Variants in ANKRD55 observed in about 807,000 individuals in gnomAD.
The protein encoded by ANKRD55 is ankyrin repeat domain 55.
In ANKRD55, 41 loss-of-function variants were observed where a neutral mutation model predicts 60.6. That is an observed-to-expected ratio of 0.68 (90% CI 0.53 to 0.88). The LOEUF (loss-of-function observed/expected upper bound fraction) is 0.88, where lower values mean the gene tolerates loss of function less well. ANKRD55 is among the 40% of genes least tolerant of loss of function. The pLI, the probability that ANKRD55 is intolerant of heterozygous loss-of-function variation, is 0.00. For synonymous variants in ANKRD55, 264 were observed against 290.3 expected, an observed-to-expected ratio of 0.91 and a Z score of 0.92; for missense variants, 732 against 767.6, an observed-to-expected ratio of 0.95 and a Z score of 0.55.
intron 7 of ANKRD55, among the ~76,000 whole-genome samples, chr5:56,130,580 G>A (rs1027477498): frequency 3.9e-5 from 6 of 152,124 alleles, no homozygotes; most frequent in Admixed American, 2.0e-4. Flanking sequence ...CATCATGTCT[G>A]GCTATCGAGA....
intron 11 of ANKRD55, among the ~76,000 whole-genome samples, chr5:56,100,578 T>C (rs1180198754): frequency 6.6e-6 from 1 of 152,210 alleles, no homozygotes; most frequent in Non-Finnish European, 1.5e-5. Flanking sequence ...GCAGAGCTCT[T>C]CCTTGGAGTG....
chr5:56,153,017 GAA>G (rs768308917), intron 6 of ANKRD55, among the ~76,000 whole-genome samples: 1 of 152,042 alleles, frequency 6.6e-6, no homozygotes, highest in South Asian at 2.1e-4. Flanking sequence ...AACAGCCTAC[GAA>G]AAAGTATTTA....
At chr5:56,231,659 A>G (rs1347820300) in intron 2 of ANKRD55, among the ~76,000 whole-genome samples, 349 of 3,592 alleles carry the variant, frequency 0.097, 1 homozygote, top group South Asian at 0.13. Context: ...GCGCGCACAC[A>G]CACACACACA....
chr5:56,173,570 CTCTCTCTCTCTCTATATA>C lies in ANKRD55; in HGVS notation c.312+2564_312+2581del, dbSNP rs1161332263. Among the ~76,000 whole-genome samples, 733 of 110,930 alleles carry C rather than the reference CTCTCTCTCTCTCTATATA, an allele frequency of 6.6e-3. 4 individuals carry two copies. The highest frequency in any genetic ancestry group is 9.1e-3 in the Admixed American group (98 of 10,736). The allele number at this position is 110,930 out of a possible 152,430, so 72.8% of individuals were successfully genotyped here. A position where few individuals can be genotyped will look rare whatever the true frequency, so the allele number is the denominator to read the frequency against. The stretch of plus-strand genomic sequence containing the variant: ...TCTCTCTCTCTCTCTCTCTCTCTCT[CTCTCTCTCTCTCTATATA>C]TATATATATATATATATATCTTGGC... On this transcript the variant is annotated intron_variant, in intron 4 of 11. Transcript: ENST00000341048.
intron 2 of ANKRD55, among the ~76,000 whole-genome samples, chr5:56,184,814 C>T (rs529572793): frequency 3.9e-5 from 6 of 151,938 alleles, no homozygotes; most frequent in Non-Finnish European, 5.9e-5. Flanking sequence ...AGGAGGATTG[C>T]TTGAGCCCCA....
intron 8 of ANKRD55, among the ~76,000 whole-genome samples, chr5:56,119,667 C>T (rs1756980644): frequency 1.3e-5 from 2 of 152,108 alleles, no homozygotes; most frequent in Non-Finnish European, 2.9e-5. Flanking sequence ...GAAATCCCAG[C>T]ACTTCGGGAG....
At chr5:56,201,597 G>A (rs1026880390) in intron 2 of ANKRD55, among the ~76,000 whole-genome samples, 3 of 152,154 alleles carry the variant, frequency 2.0e-5, no homozygotes, top group Admixed American at 6.6e-5. Context: ...CTCTATGTCC[G>A]TTCTTCACTT....
chr5:56,188,198 G>A (rs753028104), intron 2 of ANKRD55, among the ~76,000 whole-genome samples: 3 of 152,052 alleles, frequency 2.0e-5, no homozygotes, highest in Non-Finnish European at 4.4e-5. Context: ...TAGAGCCCAC[G>A]AAAAGCAATG....
intron 2 of ANKRD55, among the ~76,000 whole-genome samples, chr5:56,217,933 A>G (rs1024928550): frequency 4.6e-5 from 7 of 152,200 alleles, no homozygotes; most frequent in Non-Finnish European, 1.0e-4. Flanking sequence ...CGGGTTTGGA[A>G]GAAGTTAATT....
intron 2 of ANKRD55, among the ~76,000 whole-genome samples, chr5:56,186,012 G>A (rs755368992): frequency 6.6e-6 from 1 of 152,212 alleles, no homozygotes; most frequent in Non-Finnish European, 1.5e-5. Flanking sequence ...TTTGCCTGGG[G>A]GCCAGAAGTG....
chr5:56,149,355 A>C (rs1561270504), intron 6 of ANKRD55, among the ~76,000 whole-genome samples: 1 of 152,186 alleles, frequency 6.6e-6, no homozygotes, highest in African/African-American at 2.4e-5. Flanking sequence ...AATAATTATA[A>C]GAATAATATG....
At chr5:56,104,204 G>A (rs1756379825) in intron 10 of ANKRD55, among the ~76,000 whole-genome samples, 1 of 152,068 alleles carries the variant, frequency 6.6e-6, no homozygotes, top group Admixed American at 6.5e-5. Flanking sequence ...AAATGCTGTA[G>A]GCATAATCTT....
At chr5:56,159,557 T>C (rs1363213763) in intron 6 of ANKRD55, among the ~76,000 whole-genome samples, 1 of 152,154 alleles carries the variant, frequency 6.6e-6, no homozygotes, top group Non-Finnish European at 1.5e-5. Flanking sequence ...TTTCTCAATG[T>C]CCAGAGGGAA....
intron 7 of ANKRD55, among the ~76,000 whole-genome samples, chr5:56,131,321 C>A (rs906606840): frequency 6.6e-6 from 1 of 152,112 alleles, no homozygotes; most frequent in Non-Finnish European, 1.5e-5. Context: ...TTCTCAGAAA[C>A]CATACAAGCA....
rs1021223951 is a variant in ANKRD55 at position 56,126,990 on chromosome 5, G to A, written c.729C>T (p.Phe243=). The A allele has an allele frequency of 1.9e-6, 3 of 1,613,548 alleles. No homozygotes were observed. The highest frequency in any genetic ancestry group is 1.7e-4 in the Middle Eastern group (1 of 6,060). ...TTGCCAGCTCATGAATAATATCGCT[G>A]AAGCCCGCTGCCGCTGCGATATGTA... ...TCVHIAAAAG[F]SDIIHELARV... The change falls in exon 8 of 12, where the codon TTC becomes TTT. Residue 243 remains phenylalanine (F), a synonymous_variant. Coordinates refer to ENST00000341048, the MANE Select transcript of ANKRD55 (RefSeq NM_024669.3).
At chr5:56,119,470 G>A (rs1756976439) in intron 8 of ANKRD55, among the ~76,000 whole-genome samples, 1 of 152,224 alleles carries the variant, frequency 6.6e-6, no homozygotes, top group South Asian at 2.1e-4. Flanking sequence ...ATGAGTTGAT[G>A]TTGGAGTTGA....
intron 5 of ANKRD55, 123 bp downstream of exon 5, chr5:56,170,571 A>T: frequency 5.2e-6 from 1 of 193,984 alleles, no homozygotes; most frequent in Non-Finnish European, 8.5e-6. Context: ...CTGCAACTTC[A>T]AAAAAAAAAA....
rs1554036934 is a variant in ANKRD55 at position 56,116,614 on chromosome 5, C to A, written c.965+1G>T. 3.2e-6 allele frequency: 5 copies of A among 1,569,790 alleles called. No homozygotes were observed. Among genetic ancestry groups the A allele is most frequent in the Non-Finnish European group, 4.3e-6 (5 of 1,159,852 alleles). On this transcript the variant is annotated splice_donor_variant, in intron 9 of 11. Transcript: ENST00000341048. LOFTEE classifies it high-confidence loss of function. ...AAATAACTGGCTCCTGTTGTACTCA[C>A]CTGCTCTCTTGGGAGAGGAGTTTGA...
chr5:56,232,890 A>T lies in ANKRD55; in HGVS notation c.24T>A (p.Asp8Glu), dbSNP rs1760294315. 3 of 1,614,052 alleles carry T rather than the reference A, an allele frequency of 1.9e-6. No individual in the cohort carries two copies. In the African/African-American group the frequency reaches 4.0e-5, roughly 22 times the overall value. ...GATCAAACACAGAAGGGGTGCTGAAATCCATGGTAGCCTGTCTCATCATTT... is the reference window on the plus strand; with the variant it reads ...GATCAAACACAGAAGGGGTGCTGAATTCCATGGTAGCCTGTCTCATCATTT... MMRQATMDFSTPSVFDQQ... is the reference protein window; with the variant it reads MMRQATMEFSTPSVFDQQ... Residue 8 changes from aspartate to glutamate, a missense_variant, in exon 2 of 12, where the codon GAT (aspartate) becomes GAA (glutamate). Around this residue, in one of 3 missense-constraint regions of ANKRD55, gnomAD observed 131 missense variants for 142.7 expected, o/e 0.92. Coordinates refer to ENST00000341048, the MANE Select transcript of ANKRD55 (RefSeq NM_024669.3).
Sources: allele counts gnomAD v4.1 joint callset (sites outside exome capture counted in the v4.1 genomes callset), GRCh38; gene constraint gnomAD v4.1.1; regional missense constraint gnomAD v4.1.1; transcripts MANE v1.5; gene names NCBI Gene and HGNC (gene_info 2026-07-23, HGNC 2026-07-21).